The following SCARB1 variants were observed in gnomAD, a reference collection of about 807,000 sequenced individuals.
The protein encoded by SCARB1 is CD36 and LIMPII analogous 1.
Under a neutral mutation model 57.2 loss-of-function variants are expected in SCARB1, and 30 were observed. The ratio of observed to expected loss-of-function variants is 0.52; its 90% CI spans 0.39 to 0.71. The LOEUF is 0.71. Among genes scored for constraint, SCARB1 ranks in the 30% least tolerant of loss-of-function variants. SCARB1 has a pLI of 0.00. For synonymous variants in SCARB1, 249 were observed against 268.3 expected, an observed-to-expected ratio of 0.93 and a Z score of 0.70; for missense variants, 543 against 671.2, an observed-to-expected ratio of 0.81 and a Z score of 2.11.
At chr12:124,833,494 CCTTAA>C (rs991982639) in intron 1 of SCARB1, among the ~76,000 whole-genome samples, 4 of 152,068 alleles carry the variant, frequency 2.6e-5, no homozygotes, top group African/African-American at 9.7e-5. Flanking sequence ...GGTGTAAGAT[CCTTAA>C]CTTAATCACG....
intron 2 of SCARB1, among the ~76,000 whole-genome samples, chr12:124,816,608 C>T (rs897439893): frequency 6.6e-6 from 1 of 152,178 alleles, no homozygotes; most frequent in Admixed American, 6.5e-5. Context: ...CCTCTGCCCG[C>T]CCCATCCCTG....
At chr12:124,851,659 G>C (rs1325621987) in intron 1 of SCARB1, among the ~76,000 whole-genome samples, 1 of 143,420 alleles carries the variant, frequency 7.0e-6, no homozygotes, top group Non-Finnish European at 1.5e-5. Context: ...CTAGGCTGAA[G>C]TGCAGTGGCG....
At chr12:124,784,487 A>G (rs534795138) in intron 11 of SCARB1, 1 of 152,280 alleles carries the variant, frequency 6.6e-6, no homozygotes, top group Non-Finnish European at 1.5e-5. Flanking sequence ...TTTGAAAGGA[A>G]GTCGGGTTTC....
At chr12:124,843,290 T>TG (rs56148562) in intron 1 of SCARB1, among the ~76,000 whole-genome samples, 53,099 of 101,256 alleles carry the variant, frequency 0.52, 11,792 homozygotes, top group African/African-American at 0.54. Flanking sequence ...TCTGTGGAGA[T>TG]GGGGGGGGGG....
rs1309398122 is a variant in SCARB1, at chr12:124,810,463, A to G, written c.727-174T>C. ...GACACACAGAGAGAATGCCTACCAC[A>G]GCTTCCCCCTCCCAGACCCCTGAAT... On this transcript the variant is annotated intron_variant, in intron 5 of 12. Coordinates refer to ENST00000261693, the MANE Select transcript of SCARB1 (RefSeq NM_005505.5). The surrounding 1 kb of genome is among the most constrained non-coding windows in gnomAD (Gnocchi z 4.0). Among the ~76,000 whole-genome samples the G allele has an allele frequency of 6.6e-6, 1 of 152,138 alleles. No individual in the cohort carries two copies. Among genetic ancestry groups the G allele is most frequent in the African/African-American group, 2.4e-5 (1 of 41,410 alleles).
At chr12:124,846,127 A>G (rs1020876353) in intron 1 of SCARB1, among the ~76,000 whole-genome samples, 2 of 152,212 alleles carry the variant, frequency 1.3e-5, no homozygotes, top group Non-Finnish European at 2.9e-5. Context: ...AGAATGGGCA[A>G]TTCTACTTGG....
At chr12:124,811,841 G>T (rs181516117) in intron 5 of SCARB1, 29 bp downstream of exon 5, 7 of 1,551,466 alleles carry the variant, frequency 4.5e-6, no homozygotes, top group Admixed American at 1.7e-5. Context: ...TCTCCCTGGC[G>T]ACAGGGGCCC....
chr12:124,811,520 C>A (rs374434813), intron 5 of SCARB1, among the ~76,000 whole-genome samples: 3 of 152,324 alleles, frequency 2.0e-5, no homozygotes, highest in Non-Finnish European at 2.9e-5. Flanking sequence ...TGATCCCCCC[C>A]ACCTCGGCCT....
At chr12:124,785,997 G>C in intron 11 of SCARB1, 2 of 1,399,904 alleles carry the variant, frequency 1.4e-6, no homozygotes, top group Non-Finnish European at 1.9e-6. Flanking sequence ...GATCTCAGCT[G>C]TCTCCTCTAC....
rs143093152 is a variant in SCARB1 at position 124,817,654 on chromosome 12, A to G, written c.180T>C (p.Pro60=). The G allele has an allele frequency of 6.7e-4, 1,076 of 1,613,736 alleles. 6 individuals are homozygous for G. Among genetic ancestry groups the G allele is most frequent in the South Asian group, 2.4e-3 (222 of 91,082 alleles). ...AGTAGACGGAGAGATAGAAGGGGAT[A>G]GGGATCTCCTTCCACATGTTGAAGG... The part of the protein sequence containing the change: ...SLSFNMWKEI[P]IPFYLSVYFF... The change falls in exon 2 of 13, where the codon CCT becomes CCC. Residue 60 remains proline, a synonymous_variant. Coordinates refer to ENST00000261693, the MANE Select transcript of SCARB1 (RefSeq NM_005505.5). This position sits in a 1 kb window ranked among gnomAD's most constrained non-coding sequence, Gnocchi z 4.8.
intron 7 of SCARB1, among the ~76,000 whole-genome samples, chr12:124,802,570 G>A (rs775451828): frequency 3.3e-5 from 5 of 152,140 alleles, no homozygotes; most frequent in East Asian, 1.9e-4. Flanking sequence ...AGACCGAGGT[G>A]GGATGGAACA....
At chr12:124,843,362 G>A (rs1951993888) in intron 1 of SCARB1, among the ~76,000 whole-genome samples, 1 of 151,564 alleles carries the variant, frequency 6.6e-6, no homozygotes. Context: ...TCCCACCTCT[G>A]CCTCGCTAAG....
At chr12:124,809,194 G>C (rs1208049941) in intron 6 of SCARB1, among the ~76,000 whole-genome samples, 2 of 152,170 alleles carry the variant, frequency 1.3e-5, no homozygotes, top group Admixed American at 6.5e-5. Context: ...GGCGAGAAGA[G>C]GGGGTGGGGG....
chr12:124,859,162 G>A (rs1594414072), intron 1 of SCARB1, among the ~76,000 whole-genome samples: 1 of 152,264 alleles, frequency 6.6e-6, no homozygotes, highest in South Asian at 2.1e-4. Context: ...GGGATCGCAA[G>A]TTTGAGCCAC....
At position 124,807,059 on chromosome 12, in the gene SCARB1, G is replaced by C. The variant is rs1418063336; in HGVS notation, c.1009+702C>G. ...TACCAAAAATACAAAAAATTAGCCA[G>C]GTGTGGTGGTGCACGCCTGTGGTCC... On this transcript the variant is annotated intron_variant, in intron 7 of 12. Transcript: ENST00000261693. This position sits in a 1 kb window ranked among gnomAD's most constrained non-coding sequence, Gnocchi z 5.3. Among the ~76,000 whole-genome samples, 1 of 152,152 alleles carries C rather than the reference G, an allele frequency of 6.6e-6. No individual in the cohort carries two copies. Among genetic ancestry groups the C allele is most frequent in the African/African-American group, 2.4e-5 (1 of 41,434 alleles).
chr12:124,832,680 T>A (rs956060008), intron 1 of SCARB1, among the ~76,000 whole-genome samples: 2 of 152,206 alleles, frequency 1.3e-5, no homozygotes, highest in African/African-American at 2.4e-5. Context: ...TTCCAGAACA[T>A]TAAGGTCTTT....
chr12:124,778,716 G>A, intron 12 of SCARB1, 130 bp from the exon 13 acceptor site: 1 of 952,808 alleles, frequency 1.0e-6, no homozygotes, highest in Non-Finnish European at 1.4e-6. Flanking sequence ...GCTGTCAGAA[G>A]TGAGAAGAGA....
At chr12:124,798,944 T>G (rs1950041981) in intron 8 of SCARB1, among the ~76,000 whole-genome samples, 1 of 152,104 alleles carries the variant, frequency 6.6e-6, no homozygotes. Context: ...ATACAAAATT[T>G]CAGTTAGACA....
intron 1 of SCARB1, among the ~76,000 whole-genome samples, chr12:124,835,256 G>A (rs145214929): frequency 0.01 from 1,430 of 137,950 alleles, 18 homozygotes; most frequent in African/African-American, 0.037. Context: ...TTTTATGTAT[G>A]TTTGAATTTT....
Sources: allele counts gnomAD v4.1 joint callset (sites outside exome capture counted in the v4.1 genomes callset), GRCh38; gene constraint gnomAD v4.1.1; non-coding constraint Gnocchi (gnomAD v3.1); transcripts MANE v1.5; gene names NCBI Gene and HGNC (gene_info 2026-07-23, HGNC 2026-07-21).